Variants in TBL1X observed in about 807,000 individuals in gnomAD.
TBL1X encodes F-box-like/WD repeat-containing protein TBL1X.
TBL1X carries 10 observed loss-of-function variants against 50.7 expected under a neutral mutation model. The observed-to-expected ratio is 0.20, with a 90% confidence interval of 0.12 to 0.33. The LOEUF is 0.33. Among genes scored for constraint, TBL1X ranks in the 10% least tolerant of loss-of-function variants. The pLI is 1.00. For missense variants in TBL1X, 340 were observed against 504.4 expected (o/e 0.67, Z 3.12); for synonymous variants, 190 against 214.7 (o/e 0.88, Z 1.01).
At chrX:9,502,445 C>T (rs2082006036) in intron 2 of TBL1X, among the ~76,000 whole-genome samples, 1 of 112,264 alleles carries the variant, frequency 8.9e-6, no homozygotes, top group East Asian at 2.8e-4. Flanking sequence ...GGTGTTCCTG[C>T]TCCTCCCGCC....
chrX:9,594,582 C>T (rs28566050), intron 2 of TBL1X, among the ~76,000 whole-genome samples: 11,580 of 111,369 alleles, frequency 0.1, 832 homozygotes, highest in African/African-American at 0.27. Context: ...TCTTTCTTGC[C>T]CAGATAAGGT....
rs762080913 is a variant in TBL1X, at chrX:9,546,438, C to T, written c.-131+44589C>T. 1.5e-4 allele frequency among the ~76,000 whole-genome samples: 17 copies of T among 111,308 alleles called. No homozygotes were observed. In the East Asian group the frequency reaches 4.0e-3, roughly 26 times the overall value. ...CTAAGGCAGGACAGTAGCCTGAACC[C>T]GGGAGGCGGAGCTTGCAGGGAGTCG... is the stretch of plus-strand genomic sequence containing the variant. On this transcript the variant is annotated intron_variant, in intron 2 of 17. Transcript: ENST00000645353.
At chrX:9,676,737 G>A (rs777425629) in intron 5 of TBL1X, among the ~76,000 whole-genome samples, 16 of 112,155 alleles carry the variant, frequency 1.4e-4, no homozygotes, top group Non-Finnish European at 3.0e-4. Flanking sequence ...TGAGGACTGG[G>A]CCTTGAGGGT....
chrX:9,695,960 AT>A (rs1237407839), intron 11 of TBL1X, among the ~76,000 whole-genome samples: 1 of 112,441 alleles, frequency 8.9e-6, no homozygotes, highest in Non-Finnish European at 1.9e-5. Flanking sequence ...ATCCACCATC[AT>A]TACTTAGTCA....
At chrX:9,476,563 G>A (rs1302833411) in intron 1 of TBL1X, among the ~76,000 whole-genome samples, 5 of 112,161 alleles carry the variant, frequency 4.5e-5, no homozygotes, top group African/African-American at 1.6e-4. Context: ...TTTCTTAAGC[G>A]CACACTTCCT....
At chrX:9,703,385 T>G (rs1331627103) in intron 12 of TBL1X, among the ~76,000 whole-genome samples, 1 of 111,457 alleles carries the variant, frequency 9.0e-6, no homozygotes, top group Non-Finnish European at 1.9e-5. Flanking sequence ...TGGCCTTTTC[T>G]GCTGCTCATC....
intron 6 of TBL1X, among the ~76,000 whole-genome samples, chrX:9,684,598 T>TAAAAAAAA (rs3043994): frequency 0.18 from 9,029 of 51,051 alleles, 979 homozygotes; most frequent in Non-Finnish European, 0.22. Context: ...TCTCTAAAAT[T>TAAAAAAAA]AAAAAAAAAA....
At position 9,616,020 on chromosome X, in the gene TBL1X, C is replaced by CT. The variant is rs111931273; in HGVS notation, c.-130-24253_-130-24252insT. ...CTATGTGAAACACAGGGAAGACAGC[C>CT]ATGAACAGACCAGACACAAATCTTA... is the stretch of plus-strand genomic sequence containing the variant. On this transcript the variant is annotated intron_variant, in intron 2 of 17. Transcript: ENST00000645353. Among the ~76,000 whole-genome samples the CT allele has an allele frequency of 3.9e-3, 442 of 112,047 alleles. 2 individuals are homozygous for CT. Among genetic ancestry groups the CT allele is most frequent in the African/African-American group, 0.014 (418 of 30,869 alleles).
intron 1 of TBL1X, among the ~76,000 whole-genome samples, chrX:9,488,459 C>A (rs768323152): frequency 8.9e-6 from 1 of 111,918 alleles, no homozygotes; most frequent in African/African-American, 3.2e-5. Flanking sequence ...AGGCATATCT[C>A]TCTGAGACCA....
At chrX:9,607,591 G>T (rs1245668747) in intron 2 of TBL1X, among the ~76,000 whole-genome samples, 1 of 112,300 alleles carries the variant, frequency 8.9e-6, no homozygotes, top group Non-Finnish European at 1.9e-5. Flanking sequence ...TTCACAGCTT[G>T]TGGCCCTGGC....
chrX:9,469,121 A>G (rs1447880747), intron 1 of TBL1X, among the ~76,000 whole-genome samples: 2 of 111,488 alleles, frequency 1.8e-5, no homozygotes, highest in Non-Finnish European at 3.8e-5. Flanking sequence ...TACTCAGTCG[A>G]CCGACATAGA....
At position 9,648,553 on chromosome X, in the gene TBL1X, C is replaced by T. The variant is rs143458385; in HGVS notation, c.-42-4992C>T. 3.0e-3 allele frequency among the ~76,000 whole-genome samples: 338 copies of T among 112,279 alleles called. 1 individual carries two copies. Among genetic ancestry groups the T allele is most frequent in the African/African-American group, 0.011 (327 of 30,842 alleles). On this transcript the variant is annotated intron_variant, in intron 3 of 17. Transcript: ENST00000645353. ...GCTCCTGTGCTTCTCTCCTCTTTCTCTGACTTCTTCCAAAATCGTGGGTCT... is the reference window on the plus strand; with the variant it reads ...GCTCCTGTGCTTCTCTCCTCTTTCTTTGACTTCTTCCAAAATCGTGGGTCT...
At chrX:9,571,648 A>G (rs1191163483) in intron 2 of TBL1X, among the ~76,000 whole-genome samples, 4 of 112,120 alleles carry the variant, frequency 3.6e-5, no homozygotes, top group African/African-American at 1.3e-4. Flanking sequence ...CACTCACGTT[A>G]CTGTGCAGGC....
rs960908100 is a variant in TBL1X, at chrX:9,691,847, G to T, written c.749+136G>T. On this transcript the variant is annotated intron_variant, in intron 8 of 17. Coordinates refer to ENST00000645353, the MANE Select transcript of TBL1X (RefSeq NM_005647.4). ...CGGTGTGTGGGCAGACCAAGGAATG[G>T]GTGGCTCTATGAGCCACTTCTCTAC... The T allele has an allele frequency of 3.2e-6, 3 of 935,941 alleles. No individual in the cohort carries two copies. In the African/African-American group the frequency reaches 6.0e-5, roughly 19 times the overall value. The allele number at this position is 935,941 out of a possible 1,213,427, so 77.1% of individuals were successfully genotyped here.
At chrX:9,677,274 A>G (rs886281286) in intron 5 of TBL1X, among the ~76,000 whole-genome samples, 1 of 111,424 alleles carries the variant, frequency 9.0e-6, no homozygotes, top group Non-Finnish European at 1.9e-5. Context: ...TCCGCTATGA[A>G]TAAGGAGGTT....
At chrX:9,711,493 T>C (rs1298162136) in intron 15 of TBL1X, 118 bp from the exon 16 acceptor site, 16 of 714,601 alleles carry the variant, frequency 2.2e-5, no homozygotes, top group Admixed American at 5.1e-5. Flanking sequence ...TTTTTAGTTA[T>C]TATCTTTTGA....
intron 2 of TBL1X, among the ~76,000 whole-genome samples, chrX:9,590,002 C>G (rs2082491090): frequency 9.0e-6 from 1 of 111,672 alleles, no homozygotes; most frequent in Non-Finnish European, 1.9e-5. Context: ...AGAGTCTAAT[C>G]ACGAGAAAAA....
rs1569206112 is a variant in TBL1X, at chrX:9,492,878, T to G, written c.-200-8902T>G. ...GTGTGTGTGTGTGTGTGTGTGTGTG[T>G]GTGTGTGTGTGTGTGTGTGTAGGGG... On this transcript the variant is annotated intron_variant, in intron 1 of 17. Coordinates refer to ENST00000645353, the MANE Select transcript of TBL1X (RefSeq NM_005647.4). Among the ~76,000 whole-genome samples, 5 of 50,939 alleles carry G rather than the reference T, an allele frequency of 9.8e-5. No individual in the cohort carries two copies. The South Asian group carries it at 6.2e-3, about 63-fold the overall frequency. The allele number at this position is 50,939 out of a possible 115,157, so 44.2% of individuals were successfully genotyped here.
At chrX:9,639,959 TTTAAA>T (rs1212060990) in intron 2 of TBL1X, 1 of 112,583 alleles carries the variant, frequency 8.9e-6, no homozygotes, top group Non-Finnish European at 1.9e-5. Flanking sequence ...AATTTAAATC[TTTAAA>T]TTATCTTTAA....
Sources: allele counts gnomAD v4.1 joint callset (sites outside exome capture counted in the v4.1 genomes callset), GRCh38; gene constraint gnomAD v4.1.1; transcripts MANE v1.5; gene names NCBI Gene and HGNC (gene_info 2026-07-23, HGNC 2026-07-21).